PADI2: variants seen among roughly 807,000 people sequenced by gnomAD.
PADI2 encodes the protein protein-arginine deiminase type-2.
In PADI2, 70 loss-of-function variants were observed where a neutral mutation model predicts 81.1. The ratio of observed to expected loss-of-function variants is 0.86; its 90% CI spans 0.71 to 1.05. The LOEUF (loss-of-function observed/expected upper bound fraction) is 1.05. PADI2 is among the 50% of genes least tolerant of loss of function. The probability of loss-of-function intolerance (pLI) is 0.00; values close to 1 mark genes in which losing one functional copy is unlikely to be tolerated. For synonymous variants in PADI2, 338 were observed against 358.0 expected (o/e 0.94, Z 0.63); for missense variants, 853 against 889.9 (o/e 0.96, Z 0.53).
At chr1:17,078,854 C>A (rs938661575) in intron 11 of PADI2, among the ~76,000 whole-genome samples, 9 of 152,034 alleles carry the variant, frequency 5.9e-5, no homozygotes, top group Non-Finnish European at 1.2e-4. Context: ...TGCCACCATG[C>A]CTGGCTAATT....
intron 3 of PADI2, among the ~76,000 whole-genome samples, chr1:17,101,045 G>A (rs79531352): frequency 1.3e-5 from 2 of 151,906 alleles, no homozygotes; most frequent in East Asian, 3.9e-4. Flanking sequence ...GGGGGTGGGG[G>A]CAGGGGACAT....
At chr1:17,109,966 G>T (rs1931516359) in intron 1 of PADI2, among the ~76,000 whole-genome samples, 1 of 152,302 alleles carries the variant, frequency 6.6e-6, no homozygotes, top group Non-Finnish European at 1.5e-5. Context: ...GGCCTCAGAG[G>T]CTCCAGAGGG....
At chr1:17,079,758 G>T (rs1318202154) in intron 10 of PADI2, among the ~76,000 whole-genome samples, 3 of 151,488 alleles carry the variant, frequency 2.0e-5, no homozygotes, top group East Asian at 3.9e-4. Context: ...GAATTAGTCC[G>T]CATTTTATGC....
intron 10 of PADI2, 115 bp from the exon 11 acceptor site, chr1:17,079,530 G>T: frequency 1.2e-6 from 1 of 811,698 alleles, no homozygotes. Flanking sequence ...CAGTTTCCAG[G>T]TGGGTTGTCC....
intron 11 of PADI2, among the ~76,000 whole-genome samples, chr1:17,078,031 C>T (rs767522308): frequency 7.9e-5 from 12 of 152,184 alleles, no homozygotes; most frequent in Admixed American, 4.6e-4. Context: ...TTCATTGGTA[C>T]GCTCCCACTC....
intron 11 of PADI2, among the ~76,000 whole-genome samples, chr1:17,078,134 G>T (rs539142192): frequency 6.6e-6 from 1 of 152,014 alleles, no homozygotes; most frequent in South Asian, 2.1e-4. Flanking sequence ...TTTTTGAGAC[G>T]CAGTTTCACT....
intron 6 of PADI2, among the ~76,000 whole-genome samples, chr1:17,090,847 C>T (rs961716770): frequency 1.3e-5 from 2 of 152,030 alleles, no homozygotes; most frequent in African/African-American, 4.8e-5. Flanking sequence ...GGAACCAGAC[C>T]AGTCCACTCC....
chr1:17,096,314 AG>A (rs1413738721), intron 3 of PADI2, among the ~76,000 whole-genome samples: 1 of 152,226 alleles, frequency 6.6e-6, no homozygotes, highest in Admixed American at 6.5e-5. Context: ...CGCATGCCCA[AG>A]ATCACATAGG....
intron 4 of PADI2, among the ~76,000 whole-genome samples, 192 bp downstream of exon 4, chr1:17,095,717 G>T (rs1229833252): frequency 6.6e-6 from 1 of 152,192 alleles, no homozygotes; most frequent in Non-Finnish European, 1.5e-5. Context: ...AGACTCAGGA[G>T]CCTGCTCTGT....
rs1369113088 is a variant in PADI2, at chr1:17,079,258, T to C, written c.1310+6A>G. The stretch of plus-strand genomic sequence containing the variant: ...CAGCCCCTAGCCCCAGCCTGGCTTC[T>C]CTTACAGAGGAAAGCTGCTCCCGAT... On this transcript the variant is annotated splice_donor_region_variant and intron_variant, in intron 11 of 15. Coordinates refer to ENST00000375486, the MANE Select transcript of PADI2 (RefSeq NM_007365.3). The C allele has an allele frequency of 1.9e-6, 3 of 1,612,276 alleles. No homozygotes were observed. The Admixed American group carries it at 5.0e-5, about 27-fold the overall frequency.
At chr1:17,095,835 T>A in intron 4 of PADI2, 74 bp downstream of exon 4, 1 of 1,180,008 alleles carries the variant, frequency 8.5e-7, no homozygotes, top group Admixed American at 1.9e-5. Context: ...GAAATGGGAA[T>A]TGCCTGCGGG....
In PADI2 at chr1:17,103,044, A is replaced by C; in HGVS notation, c.292T>G (p.Tyr98Asp). Residue 98 changes from tyrosine to aspartate, a missense_variant, in exon 3 of 16, where the codon TAT becomes GAT. Coordinates refer to ENST00000375486, the MANE Select transcript of PADI2 (RefSeq NM_007365.3). The part of the protein sequence containing the change: ...ASSDKVTVNY[Y>D]DEEGSIPIDQ... ...ATGGGAATGCTCCCTTCCTCGTCAT[A>C]GTAGTTGACGGTGACCTTGGTGGGG... is the stretch of plus-strand genomic sequence containing the variant. 6.2e-7 allele frequency: 1 copy of C among 1,612,916 alleles called. No individual in the cohort carries two copies. Among genetic ancestry groups the C allele is most frequent in the Non-Finnish European group, 8.5e-7 (1 of 1,179,088 alleles).
rs1046747248 is a variant in PADI2, at chr1:17,067,089, T to C, written c.*1955A>G. ...GAGATGGGAACGGGTGTGTGAGTCCTGGGAACTTCAGAAACATCAGAAATT... is the reference window on the plus strand; with the variant it reads ...GAGATGGGAACGGGTGTGTGAGTCCCGGGAACTTCAGAAACATCAGAAATT... On this transcript the variant is annotated 3_prime_UTR_variant, in exon 16 of 16. Coordinates refer to ENST00000375486, the MANE Select transcript of PADI2 (RefSeq NM_007365.3). The C allele has an allele frequency of 1.3e-5, 2 of 151,424 alleles. No homozygotes were observed. Among genetic ancestry groups the C allele is most frequent in the African/African-American group, 4.9e-5 (2 of 41,172 alleles). The allele number at this position is 151,424 out of a possible 1,614,324, so 9.4% of individuals were successfully genotyped here.
intron 1 of PADI2, among the ~76,000 whole-genome samples, chr1:17,112,411 C>G (rs893985132): frequency 3.3e-5 from 5 of 152,104 alleles, no homozygotes; most frequent in African/African-American, 1.2e-4. Context: ...GCTTTCTTAG[C>G]TTGCCCGCCT....
At chr1:17,113,128 A>T (rs1338361731) in intron 1 of PADI2, among the ~76,000 whole-genome samples, 1 of 152,196 alleles carries the variant, frequency 6.6e-6, no homozygotes, top group Non-Finnish European at 1.5e-5. Flanking sequence ...CACTTAATAA[A>T]TTCAGTTCTA....
At chr1:17,099,828 C>T (rs886878216) in intron 3 of PADI2, among the ~76,000 whole-genome samples, 6 of 152,190 alleles carry the variant, frequency 3.9e-5, no homozygotes, top group South Asian at 2.1e-4. Context: ...CTCTGTGAAG[C>T]GCATTTTATA....
At chr1:17,089,349 G>C (rs1930590257) in intron 6 of PADI2, among the ~76,000 whole-genome samples, 1 of 152,198 alleles carries the variant, frequency 6.6e-6, no homozygotes, top group South Asian at 2.1e-4. Flanking sequence ...CCAGGCACTC[G>C]GGCCCTCCCA....
At chr1:17,105,768 C>G (rs995535236) in intron 1 of PADI2, among the ~76,000 whole-genome samples, 1 of 152,142 alleles carries the variant, frequency 6.6e-6, no homozygotes, top group African/African-American at 2.4e-5. Context: ...CTGGGAGACC[C>G]CAAAGGGGCC....
rs552577583 is a variant in PADI2, at chr1:17,091,017, G to C, written c.655+1391C>G. 3.0e-4 allele frequency among the ~76,000 whole-genome samples: 46 copies of C among 152,068 alleles called. No homozygotes were observed. The South Asian group carries it at 8.5e-3, about 28-fold the overall frequency. On this transcript the variant is annotated intron_variant, in intron 6 of 15. Coordinates refer to ENST00000375486, the MANE Select transcript of PADI2 (RefSeq NM_007365.3). ...CATCCTCCATGACAACCCTGGCCTGGATGGTGTCAACATCAACATCTCCGG... is the reference window on the plus strand; with the variant it reads ...CATCCTCCATGACAACCCTGGCCTGCATGGTGTCAACATCAACATCTCCGG...
Sources: allele counts gnomAD v4.1 joint callset (sites outside exome capture counted in the v4.1 genomes callset), GRCh38; gene constraint gnomAD v4.1.1; transcripts MANE v1.5; gene names NCBI Gene and HGNC (gene_info 2026-07-23, HGNC 2026-07-21).